ULK4: variants seen among roughly 807,000 people sequenced by gnomAD.
The protein encoded by ULK4 is inactive serine/threonine-protein kinase ULK4.
Under a neutral mutation model 160.6 loss-of-function variants are expected in ULK4, and 133 were observed. The ratio of observed to expected loss-of-function variants is 0.83; its 90% CI spans 0.72 to 0.96. The LOEUF is 0.96. Among genes scored for constraint, ULK4 ranks in the 40% least tolerant of loss-of-function variants. The pLI, the probability that ULK4 is intolerant of heterozygous loss-of-function variation, is 0.00. For missense variants in ULK4, 1,580 were observed against 1,499.5 expected (o/e 1.05, Z -0.89); for synonymous variants, 534 against 539.8 (o/e 0.99, Z 0.15).
intron 35 of ULK4, among the ~76,000 whole-genome samples, chr3:41,333,685 C>A (rs1293540344): frequency 6.8e-6 from 1 of 147,358 alleles, no homozygotes; most frequent in Non-Finnish European, 1.5e-5. Flanking sequence ...AGCTGTTTTA[C>A]TCTTCACCTG....
intron 32 of ULK4, among the ~76,000 whole-genome samples, chr3:41,470,043 A>AAAAAAAAAAAAAAAAAAAAAAG (rs2083944970): frequency 6.7e-6 from 1 of 148,324 alleles, no homozygotes; most frequent in Non-Finnish European, 1.5e-5. Context: ...AAAAAAAAAA[A>AAAAAAAAAAAAAAAAAAAAAAG]AAACAAAGTA....
intron 32 of ULK4, among the ~76,000 whole-genome samples, chr3:41,464,332 C>T (rs1475194005): frequency 6.6e-6 from 1 of 152,096 alleles, no homozygotes; most frequent in Non-Finnish European, 1.5e-5. Context: ...ATGACAGACG[C>T]ATCAAAGTTA....
chr3:41,300,839 A>AT (rs2079775668), intron 35 of ULK4, among the ~76,000 whole-genome samples: 6 of 17,538 alleles, frequency 3.4e-4, no homozygotes, highest in Non-Finnish European at 6.8e-4. Flanking sequence ...TTTACAGATT[A>AT]TATATATATA....
At chr3:41,832,606 C>G (rs971756643) in intron 18 of ULK4, among the ~76,000 whole-genome samples, 6 of 152,052 alleles carry the variant, frequency 3.9e-5, no homozygotes, top group Non-Finnish European at 8.8e-5. Context: ...TGTCATTAAG[C>G]CTTTGCCCAT....
chr3:41,677,641 A>G (rs187997562), intron 29 of ULK4, among the ~76,000 whole-genome samples: 81 of 152,206 alleles, frequency 5.3e-4, no homozygotes, highest in African/African-American at 1.8e-3. Flanking sequence ...CCTAAAGTTC[A>G]TTGTTTAGCA....
At chr3:41,748,956 C>T (rs1425134074) in intron 22 of ULK4, among the ~76,000 whole-genome samples, 2 of 152,138 alleles carry the variant, frequency 1.3e-5, no homozygotes, top group Admixed American at 6.5e-5. Flanking sequence ...GCTAAAGATC[C>T]CCCTGCCCCC....
chr3:41,474,833 AAG>A (rs386396444), intron 32 of ULK4, among the ~76,000 whole-genome samples: 1 of 151,342 alleles, frequency 6.6e-6, no homozygotes, highest in African/African-American at 2.4e-5. Context: ...AAAAAAAAAA[AAG>A]AAAACAAACA....
chr3:41,490,409 C>A (rs1401161688), intron 32 of ULK4, among the ~76,000 whole-genome samples: 1 of 152,124 alleles, frequency 6.6e-6, no homozygotes, highest in Admixed American at 6.5e-5. Context: ...ATCATTCGCT[C>A]CTGCCTCTGT....
chr3:41,345,334 C>T (rs2080777446), intron 35 of ULK4, among the ~76,000 whole-genome samples: 2 of 152,152 alleles, frequency 1.3e-5, no homozygotes, highest in South Asian at 4.1e-4. Flanking sequence ...TGTATGTTCA[C>T]TGCAGCACCA....
At chr3:41,355,275 T>C (rs1364551939) in intron 35 of ULK4, among the ~76,000 whole-genome samples, 1 of 152,128 alleles carries the variant, frequency 6.6e-6, no homozygotes, top group East Asian at 1.9e-4. Context: ...TAGCTTTTGG[T>C]CCGCCCACAT....
intron 35 of ULK4, among the ~76,000 whole-genome samples, chr3:41,349,138 G>C (rs2080862595): frequency 6.6e-6 from 1 of 152,158 alleles, no homozygotes; most frequent in Non-Finnish European, 1.5e-5. Context: ...CATACTAAAG[G>C]TCACATAAGG....
chr3:41,660,757 T>C (rs1308330847), intron 30 of ULK4, among the ~76,000 whole-genome samples: 2 of 152,128 alleles, frequency 1.3e-5, no homozygotes, highest in Non-Finnish European at 2.9e-5. Flanking sequence ...ACGCTGTTTT[T>C]CAAGAAAAGC....
chr3:41,768,815 AG>A (rs1237621519), intron 21 of ULK4, among the ~76,000 whole-genome samples: 1 of 152,244 alleles, frequency 6.6e-6, no homozygotes, highest in African/African-American at 2.4e-5. Context: ...GGCACAAAAA[AG>A]TTTCACACAG....
At chr3:41,405,446 A>G (rs985436710) in intron 34 of ULK4, among the ~76,000 whole-genome samples, 5 of 152,210 alleles carry the variant, frequency 3.3e-5, no homozygotes, top group Non-Finnish European at 4.4e-5. Flanking sequence ...ATACAAGTGC[A>G]TGTGTCTTTT....
chr3:41,281,266 A>G (rs1315235844), intron 35 of ULK4, among the ~76,000 whole-genome samples: 1 of 152,226 alleles, frequency 6.6e-6, no homozygotes, highest in Non-Finnish European at 1.5e-5. Context: ...TATTCCAATC[A>G]ATAGAAAAAG....
At chr3:41,618,820 A>G (rs1259459006) in intron 30 of ULK4, among the ~76,000 whole-genome samples, 1 of 152,200 alleles carries the variant, frequency 6.6e-6, no homozygotes, top group Non-Finnish European at 1.5e-5. Context: ...ATTAAAAAAC[A>G]CTGACTGGCA....
intron 22 of ULK4, among the ~76,000 whole-genome samples, chr3:41,723,961 T>C (rs1338370855): frequency 1.3e-5 from 2 of 152,226 alleles, no homozygotes; most frequent in African/African-American, 4.8e-5. Flanking sequence ...CATGCTAAAG[T>C]TCACATTAAA....
At chr3:41,295,884 C>A (rs1290310174) in intron 35 of ULK4, among the ~76,000 whole-genome samples, 1 of 152,218 alleles carries the variant, frequency 6.6e-6, no homozygotes, top group African/African-American at 2.4e-5. Flanking sequence ...ACCTTACTAT[C>A]TAGCACTTGT....
In ULK4 at chr3:41,706,836, A is replaced by AT. The variant is rs1338646937; in HGVS notation, c.2635-1532_2635-1531insA. ...GAGCGAGACTCTGTCTCAAAAAAAA[A>AT]AAAAAAAAAAATATGTGTGTGTGTG... On this transcript the variant is annotated intron_variant, in intron 25 of 36. Coordinates refer to ENST00000301831, the MANE Select transcript of ULK4 (RefSeq NM_017886.4). 2.3e-3 allele frequency among the ~76,000 whole-genome samples: 288 copies of AT among 124,050 alleles called. 5 individuals are homozygous for AT. Among genetic ancestry groups the AT allele is most frequent in the African/African-American group, 0.014 (258 of 18,548 alleles). 81.4% of individuals were successfully genotyped at this position (124,050 alleles called of 152,430 possible).
Sources: allele counts gnomAD v4.1 joint callset (sites outside exome capture counted in the v4.1 genomes callset), GRCh38; gene constraint gnomAD v4.1.1; transcripts MANE v1.5; gene names NCBI Gene and HGNC (gene_info 2026-07-23, HGNC 2026-07-21).